The following CRB1 variants were observed in gnomAD, a reference collection of about 807,000 sequenced individuals.
CRB1 encodes crumbs cell polarity complex component 1.
CRB1 carries 83 observed loss-of-function variants against 120.0 expected under a neutral mutation model. The observed-to-expected ratio is 0.69, with a 90% CI of 0.58 to 0.83. The LOEUF (loss-of-function observed/expected upper bound fraction) is 0.83, where lower values mean the gene tolerates loss of function less well. Ranked by LOEUF, CRB1 falls within the 40% of genes least tolerant of loss-of-function variation. The pLI is 0.00. For missense variants in CRB1, 1,699 were observed against 1,687.6 expected, an observed-to-expected ratio of 1.01 and a Z score of -0.12; for synonymous variants, 625 against 612.5, an observed-to-expected ratio of 1.02 and a Z score of -0.30.
chr1:197,311,991 G>A (rs959921032), intron 1 of CRB1, among the ~76,000 whole-genome samples: 2 of 151,854 alleles, frequency 1.3e-5, no homozygotes, highest in African/African-American at 2.4e-5. Flanking sequence ...TAAAACCTAA[G>A]GCTTTTCTCA....
At chr1:197,375,485 A>T (rs1661595343) in intron 5 of CRB1, among the ~76,000 whole-genome samples, 1 of 152,086 alleles carries the variant, frequency 6.6e-6, no homozygotes, top group Non-Finnish European at 1.5e-5. Context: ...ATCCTGAGAG[A>T]TGGCCTGGGT....
chr1:197,222,269 G>T, the CRB1 span: 1 of 561,722 alleles, frequency 1.8e-6, no homozygotes. Context: ...GTGTTTGAGG[G>T]AACGAGTTTA....
chr1:197,457,502 C>T (rs1413797898), intron 11 of CRB1, among the ~76,000 whole-genome samples: 3 of 152,100 alleles, frequency 2.0e-5, no homozygotes, highest in Non-Finnish European at 4.4e-5. Context: ...TCTGCCTCAT[C>T]CTCCATCCTG....
chr1:197,335,985 T>G (rs909639387), intron 2 of CRB1, among the ~76,000 whole-genome samples: 5 of 152,372 alleles, frequency 3.3e-5, no homozygotes, highest in Admixed American at 1.3e-4. Flanking sequence ...TAGAATATTC[T>G]AACAAGAATG....
chr1:197,225,265 G>A, the CRB1 span, among the ~76,000 whole-genome samples: 3 of 151,746 alleles, frequency 2.0e-5, no homozygotes, highest in African/African-American at 7.3e-5. Flanking sequence ...AAATACCAAC[G>A]TGTTGATTTT....
At chr1:197,210,768 G>A in the CRB1 span, among the ~76,000 whole-genome samples, 1 of 152,086 alleles carries the variant, frequency 6.6e-6, no homozygotes, top group South Asian at 2.1e-4. Context: ...GTCAGAGAAA[G>A]TAACAGGTGG....
chr1:197,347,106 GAACT>G (rs1415107963), intron 3 of CRB1, among the ~76,000 whole-genome samples: 1 of 152,142 alleles, frequency 6.6e-6, no homozygotes, highest in Non-Finnish European at 1.5e-5. Flanking sequence ...TGAAGAAACT[GAACT>G]AAATAGTCAT....
At chr1:197,450,058 C>A (rs779978026) in intron 11 of CRB1, among the ~76,000 whole-genome samples, 1 of 152,180 alleles carries the variant, frequency 6.6e-6, no homozygotes, top group African/African-American at 2.4e-5. Flanking sequence ...GTGCCCTCCG[C>A]TCTGCTTAGT....
chr1:197,466,737 G>A (rs971261013), intron 11 of CRB1, among the ~76,000 whole-genome samples: 2 of 152,160 alleles, frequency 1.3e-5, no homozygotes, highest in Admixed American at 6.5e-5. Context: ...GGGATGTCAG[G>A]GATCCTGCAT....
intron 11 of CRB1, among the ~76,000 whole-genome samples, chr1:197,450,885 G>T (rs6682624): frequency 0.44 from 63,704 of 144,588 alleles, 14,909 homozygotes; most frequent in East Asian, 0.66. Context: ...GCGTGAACCC[G>T]GGGGGCGGAG....
intron 1 of CRB1, among the ~76,000 whole-genome samples, chr1:197,300,545 T>G (rs1174943129): frequency 6.6e-6 from 1 of 152,058 alleles, no homozygotes; most frequent in Non-Finnish European, 1.5e-5. Flanking sequence ...AGAAGAAAAG[T>G]TGGAAGCTAG....
rs973899139 is a variant in CRB1 at position 197,434,927 on chromosome 1, A to T, written c.3064A>T (p.Ser1022Cys). The T allele has an allele frequency of 3.7e-6, 6 of 1,613,806 alleles. No individual in the cohort carries two copies. The highest frequency in any genetic ancestry group is 5.1e-6 in the Non-Finnish European group (6 of 1,179,878). ...AAGTGGCAACAGCTTTTATATGCTA[A>T]GTCTGACAAGTTTGCAGTCAGTGAA... ...LQSGNSFYML[S>C]LTSLQSVNDG... is the part of the protein sequence containing the mutation. The change falls in exon 9 of 12, where the codon AGT (serine) becomes TGT (cysteine). Residue 1022 changes from serine to cysteine, a missense_variant. Physicochemically the swap from Ser to Cys is moderately radical, Grantham distance 112 (BLOSUM62 -1). Coordinates refer to ENST00000367400, the MANE Select transcript of CRB1 (RefSeq NM_201253.3).
intron 11 of CRB1, chr1:197,442,656 G>GAA: frequency 1.3e-6 from 1 of 780,604 alleles, no homozygotes; most frequent in Non-Finnish European, 1.9e-6. Flanking sequence ...TCTCCTTATT[G>GAA]TGTGTATTTA....
At position 197,422,066 on chromosome 1, in the gene CRB1, A is replaced by G. The variant is rs1348278938; in HGVS notation, c.2128+110A>G. 8.1e-6 allele frequency: 8 copies of G among 988,282 alleles called. No individual in the cohort carries two copies. In the African/African-American group the frequency reaches 1.3e-4, roughly 16 times the overall value. 61.2% of individuals were successfully genotyped at this position (988,282 alleles called of 1,614,324 possible). A position where few individuals can be genotyped will look rare whatever the true frequency, so the allele number is the denominator to read the frequency against. ...CTGCTATGAAACATAATGACCCCAC[A>G]AGACTTCTGCTGCTGGTTGCCCACT... On this transcript the variant is annotated intron_variant, in intron 6 of 11. Transcript: ENST00000367400.
intron 1 of CRB1, among the ~76,000 whole-genome samples, chr1:197,317,075 G>A (rs150076242): frequency 1.6e-4 from 24 of 152,222 alleles, no homozygotes; most frequent in Middle Eastern, 6.8e-3. Context: ...TAAAATGTCC[G>A]TACAATGTAC....
chr1:197,266,007 G>T (rs777867814), upstream of CRB1, among the ~76,000 whole-genome samples: 1 of 152,042 alleles, frequency 6.6e-6, no homozygotes, highest in African/African-American at 2.4e-5. Flanking sequence ...TTGTGGATTT[G>T]CTGAGTCTTA....
At chr1:197,455,730 A>G (rs920643414) in intron 11 of CRB1, among the ~76,000 whole-genome samples, 2 of 152,160 alleles carry the variant, frequency 1.3e-5, no homozygotes, top group South Asian at 2.1e-4. Context: ...TCCATGAATC[A>G]TAATACTTAT....
At chr1:197,468,411 C>T (rs982348339) in intron 11 of CRB1, among the ~76,000 whole-genome samples, 1 of 151,226 alleles carries the variant, frequency 6.6e-6, no homozygotes, top group East Asian at 1.9e-4. Flanking sequence ...TGAAGGCATT[C>T]GGTAATAATT....
chr1:197,463,659 C>T (rs992397359), intron 11 of CRB1, among the ~76,000 whole-genome samples: 1 of 152,132 alleles, frequency 6.6e-6, no homozygotes, highest in East Asian at 1.9e-4. Flanking sequence ...CTTAAATCAT[C>T]TTTTAAATAC....
Sources: gnomAD v4.1 joint callset for allele counts (sites outside exome capture counted in the v4.1 genomes callset) on GRCh38, gnomAD v4.1.1 for gene constraint, MANE v1.5 for transcripts, NCBI Gene and HGNC (gene_info 2026-07-23, HGNC 2026-07-21) for gene names.